The following ADGRE3 variants were observed in gnomAD, a reference collection of about 807,000 sequenced individuals.
ADGRE3 encodes adhesion G protein-coupled receptor E3.
In ADGRE3, 88 loss-of-function variants were observed where a neutral mutation model predicts 80.1. The observed-to-expected ratio is 1.10, with a 90% CI of 0.93 to 1.31. ADGRE3 has a LOEUF of 1.31. Among genes scored for constraint, ADGRE3 ranks in the 40% most tolerant of loss-of-function variants. The pLI, the probability that ADGRE3 is intolerant of heterozygous loss-of-function variation, is 0.00. For missense variants in ADGRE3, 715 were observed against 776.5 expected (o/e 0.92, Z 0.94); for synonymous variants, 281 against 294.8 (o/e 0.95, Z 0.48).
intron 13 of ADGRE3, among the ~76,000 whole-genome samples, chr19:14,631,965 T>C (rs1970894063): frequency 6.6e-6 from 1 of 152,196 alleles, no homozygotes; most frequent in Non-Finnish European, 1.5e-5. Flanking sequence ...GTCTTATTTT[T>C]ATGATTAAAA....
chr19:14,609,374 A>G, the ADGRE3 span, among the ~76,000 whole-genome samples: 1 of 151,644 alleles, frequency 6.6e-6, no homozygotes, highest in African/African-American at 2.4e-5. Flanking sequence ...AGCTTCCCTC[A>G]CCTCTCTCCT....
intron 11 of ADGRE3, among the ~76,000 whole-genome samples, chr19:14,636,133 T>TCTTC (rs1491553288): frequency 2.6e-5 from 1 of 37,750 alleles, no homozygotes; most frequent in African/African-American, 9.4e-5. Context: ...TTTCTTTCTT[T>TCTTC]CTTTCTTTCT....
intron 15 of ADGRE3, among the ~76,000 whole-genome samples, chr19:14,623,583 C>T (rs1040645034): frequency 9.9e-5 from 15 of 152,142 alleles, no homozygotes; most frequent in African/African-American, 3.4e-4. Flanking sequence ...CCAGAAAGGT[C>T]CCATGATTCC....
intron 7 of ADGRE3, among the ~76,000 whole-genome samples, chr19:14,647,579 G>A (rs1971450695): frequency 6.6e-6 from 1 of 151,420 alleles, no homozygotes; most frequent in South Asian, 2.1e-4. Flanking sequence ...ACCATGCCTG[G>A]CTAATTTTTT....
At position 14,674,818 on chromosome 19, in the gene ADGRE3, C is replaced by G; in HGVS notation, c.-48G>C. ...GCCAGCCAGCCCTGGAAGCTCTCTA[C>G]TGTGCCGTAAGCCAACCACCTTTCC... On this transcript the variant is annotated 5_prime_UTR_variant, in exon 1 of 16. Transcript: ENST00000253673. 1 of 1,605,766 alleles carries G rather than the reference C, an allele frequency of 6.2e-7. No homozygotes were observed.
At chr19:14,611,863 G>C in the ADGRE3 span, among the ~76,000 whole-genome samples, 2 of 152,062 alleles carry the variant, frequency 1.3e-5, no homozygotes, top group Non-Finnish European at 2.9e-5. Context: ...AATTAGCTGG[G>C]CGTGGTGGCA....
chr19:14,635,306 T>C (rs1971006193), intron 11 of ADGRE3, among the ~76,000 whole-genome samples: 1 of 151,998 alleles, frequency 6.6e-6, no homozygotes, highest in Non-Finnish European at 1.5e-5. Context: ...GGTTTTGCTA[T>C]GTTGCCCAGC....
At chr19:14,617,343 T>TCC (rs527628863), downstream of ADGRE3, among the ~76,000 whole-genome samples, 5 of 71,562 alleles carry the variant, frequency 7.0e-5, no homozygotes, top group African/African-American at 2.3e-4. Context: ...CCTCCCTCCC[T>TCC]TTCTTTCTTT....
chr19:14,643,934 C>T (rs1291475096), intron 9 of ADGRE3, among the ~76,000 whole-genome samples, 174 bp downstream of exon 9: 1 of 151,738 alleles, frequency 6.6e-6, no homozygotes, highest in Non-Finnish European at 1.5e-5. Context: ...TGGTTTCAAA[C>T]TCTTGACCTC....
At chr19:14,618,427 T>A (rs1220809364), downstream of ADGRE3, among the ~76,000 whole-genome samples, 3 of 152,040 alleles carry the variant, frequency 2.0e-5, no homozygotes, top group African/African-American at 7.2e-5. Context: ...TGGTGGCATG[T>A]GCTTGTAGTC....
intron 11 of ADGRE3, among the ~76,000 whole-genome samples, chr19:14,636,836 G>A (rs1971104101): frequency 6.6e-6 from 1 of 152,162 alleles, no homozygotes; most frequent in African/African-American, 2.4e-5. Flanking sequence ...GCTCACACCT[G>A]TAATCTCAGC....
At chr19:14,668,166 G>A (rs958359717) in intron 2 of ADGRE3, among the ~76,000 whole-genome samples, 1 of 152,026 alleles carries the variant, frequency 6.6e-6, no homozygotes, top group African/African-American at 2.4e-5. Flanking sequence ...CATGAGATTC[G>A]TTTGAACCCA....
chr19:14,671,648 T>C (rs1972260182), intron 1 of ADGRE3, among the ~76,000 whole-genome samples: 1 of 152,114 alleles, frequency 6.6e-6, no homozygotes, highest in Non-Finnish European at 1.5e-5. Flanking sequence ...TTCTCACCCT[T>C]CCCCCAAGAA....
At chr19:14,624,596 A>G (rs1425589175) in intron 15 of ADGRE3, among the ~76,000 whole-genome samples, 1 of 151,670 alleles carries the variant, frequency 6.6e-6, no homozygotes, top group Non-Finnish European at 1.5e-5. Context: ...CTCTCTCTCT[A>G]TAAAAAAAAT....
rs781712544 is a variant in ADGRE3, at chr19:14,619,443, C to A, written c.1949G>T (p.Arg650Ile). 1 of 1,591,310 alleles carries A rather than the reference C, an allele frequency of 6.3e-7. No individual in the cohort carries two copies. Among genetic ancestry groups the A allele is most frequent in the Non-Finnish European group, 8.6e-7 (1 of 1,159,840 alleles). ...EGDVFPGQVK[R>I]KY is the part of the protein sequence containing the mutation. ...TTGAATATTCTAGTTTTAATATTTT[C>A]TCTTCACTTGTCCTGGAAAAACATC... Residue 650 changes from arginine to isoleucine, a missense_variant, in exon 16 of 16, where the codon AGA (arginine) becomes ATA (isoleucine). Transcript: ENST00000253673.
At chr19:14,642,315 C>T (rs1305327717) in intron 9 of ADGRE3, among the ~76,000 whole-genome samples, 5 of 151,852 alleles carry the variant, frequency 3.3e-5, no homozygotes, top group Admixed American at 6.6e-5. Flanking sequence ...AGTTCAAGAC[C>T]GACCTGAGCA....
chr19:14,661,872 G>A (rs1169568943), intron 4 of ADGRE3, 91 bp downstream of exon 4: 12 of 1,398,180 alleles, frequency 8.6e-6, no homozygotes, highest in African/African-American at 1.4e-5. Context: ...GCTACAGAGC[G>A]AGACTCTGTC....
At chr19:14,665,112 G>A (rs1332620432) in intron 2 of ADGRE3, among the ~76,000 whole-genome samples, 1 of 139,820 alleles carries the variant, frequency 7.2e-6, no homozygotes, top group East Asian at 2.1e-4. Flanking sequence ...TGCCCAGGCC[G>A]GAGTGCAGTG....
the ADGRE3 span, among the ~76,000 whole-genome samples, chr19:14,609,828 A>ACT: frequency 6.8e-6 from 1 of 147,792 alleles, no homozygotes; most frequent in African/African-American, 2.5e-5. Context: ...ACAGAGTGAG[A>ACT]CTCTGTCTCC....
Sources: allele counts gnomAD v4.1 joint callset (sites outside exome capture counted in the v4.1 genomes callset), GRCh38; gene constraint gnomAD v4.1.1; transcripts MANE v1.5; gene names NCBI Gene and HGNC (gene_info 2026-07-23, HGNC 2026-07-21).